Variants in RHBDL2 observed in about 807,000 individuals in gnomAD.
RHBDL2 encodes the protein rhomboid-related protein 2.
Under a neutral mutation model 31.7 loss-of-function variants are expected in RHBDL2, and 26 were observed. The observed-to-expected ratio is 0.82, with a 90% CI of 0.60 to 1.14. The LOEUF (loss-of-function observed/expected upper bound fraction) is 1.14. Among genes scored for constraint, RHBDL2 ranks in the 50% most tolerant of loss-of-function variants. The pLI is 0.00. For synonymous variants in RHBDL2, 123 were observed against 127.2 expected, an observed-to-expected ratio of 0.97 and a Z score of 0.22; for missense variants, 336 against 364.4, an observed-to-expected ratio of 0.92 and a Z score of 0.63.
At position 38,912,684 on chromosome 1, in the gene RHBDL2, G is replaced by C. The variant is rs556123371; in HGVS notation, c.396-1250C>G. Among the ~76,000 whole-genome samples, 63 of 151,336 alleles carry C rather than the reference G, an allele frequency of 4.2e-4. 1 individual carries two copies. The highest frequency in any genetic ancestry group is 2.1e-4 in the South Asian group (1 of 4,796). The stretch of plus-strand genomic sequence containing the variant: ...AATCCATCCACCTCAGCCCCTCAAA[G>C]GGCTGGGATTACAGGTGTGAGCCAC... On this transcript the variant is annotated intron_variant, in intron 3 of 7. Coordinates refer to ENST00000372990, the MANE Select transcript of RHBDL2 (RefSeq NM_017821.5).
chr1:38,893,097 T>C, intron 6 of RHBDL2, 67 bp downstream of exon 6: 1 of 949,688 alleles, frequency 1.1e-6, no homozygotes, highest in Admixed American at 1.9e-5. Context: ...AAATAAAATG[T>C]TTAGAGATTT....
intron 4 of RHBDL2, among the ~76,000 whole-genome samples, chr1:38,904,980 G>A (rs1643044348): frequency 6.7e-6 from 1 of 150,260 alleles, no homozygotes; most frequent in Admixed American, 6.6e-5. Context: ...GCAGTGAGCC[G>A]AGATCGCGCC....
intron 1 of RHBDL2, among the ~76,000 whole-genome samples, chr1:38,939,929 G>A (rs563528055): frequency 6.6e-6 from 1 of 151,826 alleles, no homozygotes; most frequent in African/African-American, 2.4e-5. Flanking sequence ...TCCTACCTCA[G>A]CCTCCCAAAA....
At chr1:38,913,464 A>T (rs991820954) in intron 3 of RHBDL2, 4 of 151,368 alleles carry the variant, frequency 2.6e-5, no homozygotes, top group Admixed American at 2.0e-4. Context: ...CCTGATGCCT[A>T]TTTAGCCACT....
chr1:38,902,201 CTTTTTTTTT>C (rs770169792), intron 4 of RHBDL2, among the ~76,000 whole-genome samples: 1 of 92,820 alleles, frequency 1.1e-5, no homozygotes, highest in Non-Finnish European at 2.0e-5. Context: ...TTTTCTTTTT[CTTTTTTTTT>C]TTTTTTTTTT....
intron 6 of RHBDL2, among the ~76,000 whole-genome samples, chr1:38,888,521 G>A (rs909942400): frequency 6.6e-5 from 10 of 152,134 alleles, no homozygotes; most frequent in African/African-American, 1.9e-4. Flanking sequence ...AGAATATGAC[G>A]CTGGACAGAG....
chr1:38,902,425 T>C (rs1434149282), intron 4 of RHBDL2, among the ~76,000 whole-genome samples: 1 of 2,186 alleles, frequency 4.6e-4, no homozygotes, highest in Non-Finnish European at 2.6e-3. Context: ...TTTTTTATTA[T>C]TTTTTTTTTT....
chr1:38,893,028 A>G (rs1164706952), intron 6 of RHBDL2, 136 bp downstream of exon 6: 3 of 489,234 alleles, frequency 6.1e-6, no homozygotes, highest in East Asian at 6.3e-5. Context: ...TGTACTTCAG[A>G]CATACCATAG....
At chr1:38,894,785 C>T (rs1320746273) in intron 5 of RHBDL2, among the ~76,000 whole-genome samples, 2 of 137,418 alleles carry the variant, frequency 1.5e-5, no homozygotes, top group African/African-American at 5.5e-5. Flanking sequence ...CAGCTCACTG[C>T]AACCTCCGCC....
At chr1:38,914,772 G>A (rs1643207042) in intron 3 of RHBDL2, among the ~76,000 whole-genome samples, 1 of 151,262 alleles carries the variant, frequency 6.6e-6, no homozygotes, top group South Asian at 2.1e-4. Context: ...GCTCACACCT[G>A]TAATCCCAGC....
At chr1:38,906,653 G>A (rs1286215345) in intron 4 of RHBDL2, among the ~76,000 whole-genome samples, 3 of 149,030 alleles carry the variant, frequency 2.0e-5, no homozygotes, top group East Asian at 2.0e-4. Context: ...CAGCCTGGGC[G>A]ACAGAGCGAC....
At chr1:38,925,808 T>G (rs1296381623) in intron 1 of RHBDL2, 1 of 309,218 alleles carries the variant, frequency 3.2e-6, no homozygotes, top group Non-Finnish European at 5.3e-6. Context: ...AACAAATATT[T>G]TAATCACTGC....
At chr1:38,922,615 T>A (rs531284400) in intron 1 of RHBDL2, among the ~76,000 whole-genome samples, 2 of 135,914 alleles carry the variant, frequency 1.5e-5, no homozygotes, top group African/African-American at 5.7e-5. Flanking sequence ...TCCATACCTC[T>A]CCACCCTGTT....
intron 4 of RHBDL2, among the ~76,000 whole-genome samples, chr1:38,900,598 C>T (rs1032243380): frequency 2.0e-5 from 3 of 150,482 alleles, no homozygotes; most frequent in South Asian, 2.1e-4. Flanking sequence ...CCAGCCTGGG[C>T]GACAAGAGTT....
chr1:38,939,640 G>A (rs969034687), intron 1 of RHBDL2, among the ~76,000 whole-genome samples: 7 of 151,984 alleles, frequency 4.6e-5, no homozygotes, highest in Admixed American at 3.3e-4. Flanking sequence ...GCCACAGAGT[G>A]AGGCTCCACC....
At position 38,886,455 on chromosome 1, in the gene RHBDL2, AT is replaced by A. The variant is rs1642785331; in HGVS notation, c.*48del. The A allele has an allele frequency of 7.6e-7, 1 of 1,309,054 alleles. No homozygotes were observed. The highest frequency in any genetic ancestry group is 1.5e-5 in the African/African-American group (1 of 66,108). 81.1% of individuals were successfully genotyped at this position (1,309,054 alleles called of 1,614,324 possible). ...TTCATAGAGTCTTCCTTTTTTTTTT[AT>A]TTCCTCCAGATGGCTCTTTTTATTA... On this transcript the variant is annotated 3_prime_UTR_variant, in exon 8 of 8. Transcript: ENST00000372990.
intron 1 of RHBDL2, among the ~76,000 whole-genome samples, chr1:38,939,415 A>G (rs576384198): frequency 1.3e-5 from 2 of 152,076 alleles, no homozygotes; most frequent in Admixed American, 1.3e-4. Context: ...TAATCCCCAC[A>G]CTTTGGGAGG....
rs188422444 is a variant in RHBDL2 at position 38,901,819 on chromosome 1, G to A, written c.509-5750C>T. On this transcript the variant is annotated intron_variant, in intron 4 of 7. Coordinates refer to ENST00000372990, the MANE Select transcript of RHBDL2 (RefSeq NM_017821.5). Reference sequence around the variant, plus strand: ...TGCACTCCAGCCTGGGTGACAGAGCGAGACTCCATCTCAAAAAAAATAAAA... The same window carrying A: ...TGCACTCCAGCCTGGGTGACAGAGCAAGACTCCATCTCAAAAAAAATAAAA... Among the ~76,000 whole-genome samples, 252 of 150,660 alleles carry A rather than the reference G, an allele frequency of 1.7e-3. 1 individual carries two copies. The highest frequency in any genetic ancestry group is 5.9e-3 in the African/African-American group (242 of 41,244).
intron 2 of RHBDL2, 107 bp from the exon 3 acceptor site, chr1:38,915,817 C>A: frequency 9.9e-7 from 1 of 1,015,156 alleles, no homozygotes; most frequent in South Asian, 1.4e-5. Flanking sequence ...CTCAAGTGGG[C>A]CACACCATAG....
Sources: gnomAD v4.1 joint callset for allele counts (sites outside exome capture counted in the v4.1 genomes callset) on GRCh38, gnomAD v4.1.1 for gene constraint, MANE v1.5 for transcripts, NCBI Gene and HGNC (gene_info 2026-07-23, HGNC 2026-07-21) for gene names.